The following RAD51B variants were observed in gnomAD, a reference collection of about 807,000 sequenced individuals.
The protein encoded by RAD51B is RAD51 paralog B, also known as DNA repair protein RAD51 homolog 2.
RAD51B carries 38 observed loss-of-function variants against 42.2 expected under a neutral mutation model. That is an observed-to-expected ratio of 0.90 (90% CI 0.70 to 1.18). The LOEUF (loss-of-function observed/expected upper bound fraction) is 1.18, where lower values mean the gene tolerates loss of function less well. Among genes scored for constraint, RAD51B ranks in the 50% most tolerant of loss-of-function variants. The pLI, the probability that RAD51B is intolerant of heterozygous loss-of-function variation, is 0.00. For synonymous variants in RAD51B, 154 were observed against 145.2 expected (o/e 1.06, Z -0.43); for missense variants, 373 against 400.7 (o/e 0.93, Z 0.59).
At chr14:67,913,411 C>T (rs2044052509) in intron 7 of RAD51B, among the ~76,000 whole-genome samples, 1 of 152,142 alleles carries the variant, frequency 6.6e-6, no homozygotes, top group African/African-American at 2.4e-5. Flanking sequence ...GGGACTTTAT[C>T]AGGTATCTGC....
At chr14:68,218,310 A>G (rs1388506217) in intron 7 of RAD51B, among the ~76,000 whole-genome samples, 1 of 152,210 alleles carries the variant, frequency 6.6e-6, no homozygotes, top group Non-Finnish European at 1.5e-5. Flanking sequence ...AGGGGTTAGG[A>G]AAAAGATATA....
At chr14:68,131,587 T>G (rs2077893408) in intron 7 of RAD51B, among the ~76,000 whole-genome samples, 1 of 152,076 alleles carries the variant, frequency 6.6e-6, no homozygotes, top group Non-Finnish European at 1.5e-5. Context: ...TCCCAGCCAC[T>G]TGGGAGGCTG....
chr14:68,337,501 C>G (rs924939113), intron 8 of RAD51B, among the ~76,000 whole-genome samples: 1 of 152,170 alleles, frequency 6.6e-6, no homozygotes, highest in Non-Finnish European at 1.5e-5. Context: ...GTTCTTTCTT[C>G]CCTATTGGCA....
chr14:68,365,862 C>G (rs1362829751), intron 8 of RAD51B, among the ~76,000 whole-genome samples: 1 of 152,034 alleles, frequency 6.6e-6, no homozygotes, highest in Non-Finnish European at 1.5e-5. Flanking sequence ...TATGATTGGG[C>G]CACTAGAAGA....
chr14:68,474,907 C>T (rs1029945977), intron 10 of RAD51B, among the ~76,000 whole-genome samples: 6 of 152,192 alleles, frequency 3.9e-5, no homozygotes, highest in Non-Finnish European at 7.3e-5. Context: ...CCTGTAGTGC[C>T]GAGGAGGAAT....
chr14:68,262,540 G>A (rs948355631), intron 7 of RAD51B, among the ~76,000 whole-genome samples: 1 of 152,100 alleles, frequency 6.6e-6, no homozygotes, highest in African/African-American at 2.4e-5. Flanking sequence ...TCATGGATGT[G>A]GGATTTTCAC....
At chr14:68,396,132 T>G (rs2083914042) in intron 8 of RAD51B, among the ~76,000 whole-genome samples, 1 of 152,206 alleles carries the variant, frequency 6.6e-6, no homozygotes, top group Non-Finnish European at 1.5e-5. Flanking sequence ...ATCCTGTCTC[T>G]CCTACTTACT....
intron 11 of RAD51B, among the ~76,000 whole-genome samples, chr14:68,651,568 A>G (rs1371430146): frequency 6.6e-6 from 1 of 152,218 alleles, no homozygotes; most frequent in Non-Finnish European, 1.5e-5. Flanking sequence ...ATATAGCTGA[A>G]GTCGAACCCT....
At chr14:68,330,551 T>A (rs1005085975) in intron 8 of RAD51B, among the ~76,000 whole-genome samples, 4 of 152,242 alleles carry the variant, frequency 2.6e-5, no homozygotes, top group Non-Finnish European at 5.9e-5. Flanking sequence ...TGGAACCACT[T>A]GCTGTATGTC....
At chr14:68,131,509 A>G (rs1381273485) in intron 7 of RAD51B, among the ~76,000 whole-genome samples, 1 of 152,172 alleles carries the variant, frequency 6.6e-6, no homozygotes, top group Admixed American at 6.5e-5. Flanking sequence ...CAGCCTGACC[A>G]ACATGGTGAA....
chr14:68,378,160 CT>C (rs573743705), intron 8 of RAD51B, among the ~76,000 whole-genome samples: 107 of 152,156 alleles, frequency 7.0e-4, no homozygotes, highest in Non-Finnish European at 1.3e-3. Flanking sequence ...AAAACATTAG[CT>C]TTAACTTTCT....
intron 10 of RAD51B, among the ~76,000 whole-genome samples, chr14:68,508,212 C>T (rs1352367139): frequency 6.6e-6 from 1 of 152,152 alleles, no homozygotes; most frequent in Non-Finnish European, 1.5e-5. Flanking sequence ...TACTTGGTCC[C>T]TGCTTGGTTG....
chr14:68,540,166 CTTTT>C (rs11321834), intron 10 of RAD51B: 8,097 of 580,304 alleles, frequency 0.014, no homozygotes, highest in Middle Eastern at 0.024. Context: ...TACCCTGCTC[CTTTT>C]TTTTTTTTTT....
chr14:68,487,168 C>T (rs753549296), intron 10 of RAD51B, among the ~76,000 whole-genome samples: 58 of 152,194 alleles, frequency 3.8e-4, no homozygotes, highest in African/African-American at 5.6e-4. Flanking sequence ...TATTTTCACA[C>T]GGCTCTGGAG....
intron 10 of RAD51B, among the ~76,000 whole-genome samples, chr14:68,604,590 T>C (rs1891367478): frequency 6.6e-6 from 1 of 152,156 alleles, no homozygotes; most frequent in African/African-American, 2.4e-5. Flanking sequence ...TCCTCGGCCC[T>C]GCCCATTAAC....
chr14:68,476,685 A>G (rs1228280893), intron 10 of RAD51B, among the ~76,000 whole-genome samples: 1 of 152,284 alleles, frequency 6.6e-6, no homozygotes, highest in East Asian at 1.9e-4. Flanking sequence ...CACCCATCAC[A>G]TGCTGCTCGC....
chr14:67,886,442 T>C (rs1221250416), intron 6 of RAD51B, among the ~76,000 whole-genome samples: 1 of 152,058 alleles, frequency 6.6e-6, no homozygotes, highest in African/African-American at 2.4e-5. Context: ...CCTAATATAG[T>C]TGTTGGAAGC....
chr14:67,897,608 A>G (rs1381468233), intron 7 of RAD51B, among the ~76,000 whole-genome samples: 1 of 152,018 alleles, frequency 6.6e-6, no homozygotes, highest in Non-Finnish European at 1.5e-5. Context: ...CACAAAAGAT[A>G]GTAGGAGTGG....
At chr14:67,990,702 A>G (rs990901504) in intron 7 of RAD51B, among the ~76,000 whole-genome samples, 3 of 152,132 alleles carry the variant, frequency 2.0e-5, no homozygotes, top group African/African-American at 4.8e-5. Context: ...TGGGGCTTTG[A>G]TTTGAGTTTG....
Sources: gnomAD v4.1 joint callset for allele counts (sites outside exome capture counted in the v4.1 genomes callset) on GRCh38, gnomAD v4.1.1 for gene constraint, MANE v1.5 for transcripts, NCBI Gene and HGNC (gene_info 2026-07-23, HGNC 2026-07-21) for gene names.